Variants in RPS6KA1 observed in about 807,000 individuals in gnomAD.
RPS6KA1 encodes the protein ribosomal protein S6 kinase alpha-1.
RPS6KA1 carries 48 observed loss-of-function variants against 91.3 expected under a neutral mutation model. The ratio of observed to expected loss-of-function variants is 0.53; its 90% CI spans 0.42 to 0.67. The LOEUF (loss-of-function observed/expected upper bound fraction) is 0.67, where lower values mean the gene tolerates loss of function less well. Among genes scored for constraint, RPS6KA1 ranks in the 30% least tolerant of loss-of-function variants. The pLI, the probability that RPS6KA1 is intolerant of heterozygous loss-of-function variation, is 0.00. For synonymous variants in RPS6KA1, 359 were observed against 384.7 expected (o/e 0.93, Z 0.78); for missense variants, 719 against 960.5 (o/e 0.75, Z 3.32).
In RPS6KA1 at chr1:26,551,780, C is replaced by G; in HGVS notation, c.468+57C>G. 2 of 1,444,996 alleles carry G rather than the reference C, an allele frequency of 1.4e-6. No homozygotes were observed. Among genetic ancestry groups the G allele is most frequent in the Non-Finnish European group, 1.9e-6 (2 of 1,026,328 alleles). The allele number at this position is 1,444,996 out of a possible 1,614,324, so 89.5% of individuals were successfully genotyped here. On this transcript the variant is annotated intron_variant, in intron 6 of 21. Coordinates refer to ENST00000374168, the MANE Select transcript of RPS6KA1 (RefSeq NM_002953.4). This position sits in a 1 kb window ranked among gnomAD's most constrained non-coding sequence, Gnocchi z 4.5. ...GGATGGAGCTGAGGGACGACAAGTC[C>G]TCCCATCCCAGGGCCCTGTACAGAA...
intron 19 of RPS6KA1, 26 bp from the exon 20 acceptor site, chr1:26,572,150 C>T (rs554960082): frequency 3.2e-6 from 5 of 1,583,246 alleles, no homozygotes; most frequent in Non-Finnish European, 4.3e-6. Flanking sequence ...AGAGTCTGTA[C>T]CCAGACCGTG....
At chr1:26,550,345 C>G (rs1421313667) in intron 4 of RPS6KA1, among the ~76,000 whole-genome samples, 5 of 151,622 alleles carry the variant, frequency 3.3e-5, no homozygotes, top group African/African-American at 1.2e-4. Context: ...ACCAGGCTGG[C>G]TAATTTTTTG....
rs1316967900 is a variant in RPS6KA1, at chr1:26,551,108, A to G, written c.308-289A>G. 6.6e-6 allele frequency among the ~76,000 whole-genome samples: 1 copy of G among 152,142 alleles called. No homozygotes were observed. Among genetic ancestry groups the G allele is most frequent in the African/African-American group, 2.4e-5 (1 of 41,440 alleles). Reference sequence around the variant, plus strand: ...AGGTTGCTCAGACTGGCTGATTAACAGGTCTTGATGGGGTCTGGTGGGAAA... The same window carrying G: ...AGGTTGCTCAGACTGGCTGATTAACGGGTCTTGATGGGGTCTGGTGGGAAA... On this transcript the variant is annotated intron_variant, in intron 4 of 21. Transcript: ENST00000374168. This position sits in a 1 kb window ranked among gnomAD's most constrained non-coding sequence, Gnocchi z 4.5.
chr1:26,556,764 T>C, intron 12 of RPS6KA1, 46 bp downstream of exon 12: 1 of 1,605,398 alleles, frequency 6.2e-7, no homozygotes, highest in Non-Finnish European at 8.5e-7. Context: ...GGCTCAGCCA[T>C]CTTGGCCACA....
chr1:26,535,371 A>C (rs1003762451), intron 1 of RPS6KA1, among the ~76,000 whole-genome samples: 1 of 151,984 alleles, frequency 6.6e-6, no homozygotes, highest in Non-Finnish European at 1.5e-5. Flanking sequence ...AGCTGTAGCC[A>C]AGCAGGGCTA....
At position 26,547,095 on chromosome 1, in the gene RPS6KA1, C is replaced by T. The variant is rs1425231048; in HGVS notation, c.226-94C>T. Reference sequence around the variant, plus strand: ...AGGTCACCTTGGTACCCAGGGAGAGCAAAAAGGTCAGCTTGGGGCTCAGAG... The same window carrying T: ...AGGTCACCTTGGTACCCAGGGAGAGTAAAAAGGTCAGCTTGGGGCTCAGAG... On this transcript the variant is annotated intron_variant, in intron 3 of 21. Transcript: ENST00000374168. The surrounding 1 kb of genome is among the most constrained non-coding windows in gnomAD (Gnocchi z 4.1). 1.3e-6 allele frequency: 2 copies of T among 1,543,452 alleles called. No homozygotes were observed. Among genetic ancestry groups the T allele is most frequent in the Admixed American group, 1.7e-5 (1 of 59,590 alleles).
intron 17 of RPS6KA1, among the ~76,000 whole-genome samples, chr1:26,568,228 C>T (rs1217755987): frequency 6.6e-6 from 1 of 152,204 alleles, no homozygotes; most frequent in East Asian, 1.9e-4. Context: ...TCACTCATTA[C>T]TTGCCCAGCC....
chr1:26,537,790 A>G (rs769012365), intron 2 of RPS6KA1, among the ~76,000 whole-genome samples: 2 of 152,198 alleles, frequency 1.3e-5, no homozygotes, highest in African/African-American at 2.4e-5. Context: ...CCCACCATTT[A>G]ACCAGAAGCT....
chr1:26,531,044 C>G, intron 1 of RPS6KA1: 1 of 457,706 alleles, frequency 2.2e-6, no homozygotes, highest in Non-Finnish European at 3.1e-6. Flanking sequence ...CCTCTCTTAC[C>G]TAGGGCAGCC....
intron 17 of RPS6KA1, among the ~76,000 whole-genome samples, chr1:26,563,866 T>A (rs2076175843): frequency 1.3e-5 from 2 of 152,302 alleles, no homozygotes; most frequent in South Asian, 4.1e-4. Context: ...CTTATGCCTG[T>A]AATCCCAGCA....
At chr1:26,534,218 T>G (rs916423479) in intron 1 of RPS6KA1, among the ~76,000 whole-genome samples, 1 of 152,196 alleles carries the variant, frequency 6.6e-6, no homozygotes, top group Non-Finnish European at 1.5e-5. Context: ...GAGCCTCATC[T>G]GAAAAATAGG....
Position 26,554,114 on chromosome 1 carries a change from C to A in RPS6KA1, c.576-100C>A. On this transcript the variant is annotated intron_variant, in intron 7 of 21. Coordinates refer to ENST00000374168, the MANE Select transcript of RPS6KA1 (RefSeq NM_002953.4). The surrounding 1 kb of genome is among the most constrained non-coding windows in gnomAD (Gnocchi z 4.6). ...AGTCATCAGAGAGAATTGGGTGGAG[C>A]ACCTCCTCTGGGCTGAACCCAACTC... 8.0e-7 allele frequency: 1 copy of A among 1,252,084 alleles called. No homozygotes were observed. Among genetic ancestry groups the A allele is most frequent in the Non-Finnish European group, 1.1e-6 (1 of 897,166 alleles). The allele number at this position is 1,252,084 out of a possible 1,614,324, so 77.6% of individuals were successfully genotyped here. A position where few individuals can be genotyped will look rare whatever the true frequency, so the allele number is the denominator to read the frequency against.
At chr1:26,549,939 G>A (rs1451639654) in intron 4 of RPS6KA1, among the ~76,000 whole-genome samples, 1 of 151,792 alleles carries the variant, frequency 6.6e-6, no homozygotes, top group Non-Finnish European at 1.5e-5. Flanking sequence ...GAGTGCAATG[G>A]TGCAATCTCG....
intron 1 of RPS6KA1, among the ~76,000 whole-genome samples, chr1:26,533,440 T>C (rs986551016): frequency 6.6e-6 from 1 of 152,092 alleles, no homozygotes; most frequent in Admixed American, 6.5e-5. Context: ...GCGTGGTGGC[T>C]CATGACTGTA....
chr1:26,569,104 T>C (rs1236012585), intron 17 of RPS6KA1, among the ~76,000 whole-genome samples: 2 of 151,788 alleles, frequency 1.3e-5, no homozygotes, highest in African/African-American at 2.4e-5. Flanking sequence ...GATATGAGAA[T>C]TGCTTGAACC....
At chr1:26,573,088 G>A (rs1287103483) in intron 20 of RPS6KA1, 136 bp from the exon 21 acceptor site, 1 of 865,372 alleles carries the variant, frequency 1.2e-6, no homozygotes. Flanking sequence ...CCCTGGAGCA[G>A]AGTGGAGAAT....
At chr1:26,567,939 T>C (rs892866862) in intron 17 of RPS6KA1, among the ~76,000 whole-genome samples, 4 of 152,154 alleles carry the variant, frequency 2.6e-5, no homozygotes, top group African/African-American at 9.7e-5. Flanking sequence ...AAGCCAGGAT[T>C]CACACCCTGG....
chr1:26,548,628 T>C (rs1420478753), intron 4 of RPS6KA1, among the ~76,000 whole-genome samples: 1 of 151,938 alleles, frequency 6.6e-6, no homozygotes, highest in Non-Finnish European at 1.5e-5. Context: ...GAAAACCCCA[T>C]CTCTACTAAA....
intron 17 of RPS6KA1, among the ~76,000 whole-genome samples, chr1:26,567,542 G>T (rs757077398): frequency 1.3e-5 from 2 of 152,024 alleles, no homozygotes; most frequent in Non-Finnish European, 2.9e-5. Flanking sequence ...CACCACGCCC[G>T]GCTAACTTTT....
Sources: allele counts gnomAD v4.1 joint callset (sites outside exome capture counted in the v4.1 genomes callset), GRCh38; gene constraint gnomAD v4.1.1; non-coding constraint Gnocchi (gnomAD v3.1); transcripts MANE v1.5; gene names NCBI Gene and HGNC (gene_info 2026-07-23, HGNC 2026-07-21).